Variants in IL4R observed in about 807,000 individuals in gnomAD.
The protein encoded by IL4R is interleukin-4 receptor subunit alpha.
A neutral mutation model predicts 41.5 loss-of-function variants in IL4R; 17 were observed. That is an observed-to-expected ratio of 0.41 (90% confidence interval 0.28 to 0.61). The LOEUF is 0.61. Ranked by LOEUF, IL4R falls within the 20% of genes least tolerant of loss-of-function variation. The pLI, the probability that IL4R is intolerant of heterozygous loss-of-function variation, is 0.31. For missense variants in IL4R, 974 were observed against 1,043.1 expected, an observed-to-expected ratio of 0.93 and a Z score of 0.91; for synonymous variants, 402 against 422.9, an observed-to-expected ratio of 0.95 and a Z score of 0.61.
At position 27,361,114 on chromosome 16, in the gene IL4R, G is replaced by A. The variant is rs183465715; in HGVS notation, c.899+299G>A. ...ATCTTGACCTAATTGTATACTTGTC[G>A]GCAAATAGCCACTATCCTGAACACT... On this transcript the variant is annotated intron_variant, in intron 10 of 10. Coordinates refer to ENST00000395762, the MANE Select transcript of IL4R (RefSeq NM_000418.4). 2.9e-4 allele frequency: 320 copies of A among 1,111,404 alleles called. 2 individuals carry two copies. The highest frequency in any genetic ancestry group is 1.9e-3 in the South Asian group (108 of 55,398). 68.8% of individuals were successfully genotyped at this position (1,111,404 alleles called of 1,614,324 possible). A position where few individuals can be genotyped will look rare whatever the true frequency, so the allele number is the denominator to read the frequency against.
At chr16:27,340,798 G>A (rs888791453) in intron 3 of IL4R, among the ~76,000 whole-genome samples, 2 of 152,316 alleles carry the variant, frequency 1.3e-5, no homozygotes, top group Non-Finnish European at 2.9e-5. Context: ...GAGTGGGGGG[G>A]ATTGCAGTTG....
At chr16:27,321,994 C>T (rs1596750536) in intron 1 of IL4R, among the ~76,000 whole-genome samples, 1 of 151,260 alleles carries the variant, frequency 6.6e-6, no homozygotes, top group South Asian at 2.1e-4. Flanking sequence ...TTTTTTTCCT[C>T]TTGTGTTTGA....
rs139034035 is a variant in IL4R, at chr16:27,355,851, C to T, written c.714C>T (p.Ser238=). 20 of 1,613,500 alleles carry T rather than the reference C, an allele frequency of 1.2e-5. No individual in the cohort carries two copies. Among genetic ancestry groups the T allele is most frequent in the Admixed American group, 8.3e-5 (5 of 59,992 alleles). The change falls in exon 8 of 11, where the codon AGC becomes AGT. Residue 238 remains serine (S), a synonymous_variant. Transcript: ENST00000395762. The part of the protein sequence containing the change: ...PFEQHLLLGV[S]VSCIVILAVC... Reference sequence around the variant, plus strand: ...AGCAGCACCTCCTGCTGGGCGTCAGCGTTTCCTGCATTGTCATCCTGGCCG... The same window carrying T: ...AGCAGCACCTCCTGCTGGGCGTCAGTGTTTCCTGCATTGTCATCCTGGCCG...
At chr16:27,342,410 C>T in intron 4 of IL4R, 151 bp downstream of exon 4, 2 of 909,194 alleles carry the variant, frequency 2.2e-6, no homozygotes, top group Non-Finnish European at 3.4e-6. Context: ...GTCCCATCTC[C>T]AGGGACATGT....
rs754345257 is a variant in IL4R, at chr16:27,363,848, GC to G, written c.*19del. 1 of 1,589,876 alleles carries G rather than the reference GC, an allele frequency of 6.3e-7. No homozygotes were observed. Among genetic ancestry groups the G allele is most frequent in the African/African-American group, 1.3e-5 (1 of 74,856 alleles). ...TCTCTTAGGTGCATGTCCTCTTGTTGCTGAGTCTGCAGATGAGGACTAGGGC... is the reference window on the plus strand; with the variant it reads ...TCTCTTAGGTGCATGTCCTCTTGTTGTGAGTCTGCAGATGAGGACTAGGGC... On this transcript the variant is annotated 3_prime_UTR_variant, in exon 11 of 11. Transcript: ENST00000395762.
At position 27,358,989 on chromosome 16, in the gene IL4R, G is replaced by T. The variant is rs2086189266; in HGVS notation, c.844G>T (p.Ala282Ser). 1.9e-6 allele frequency: 3 copies of T among 1,612,812 alleles called. No individual in the cohort carries two copies. Among genetic ancestry groups the T allele is most frequent in the Non-Finnish European group, 2.5e-6 (3 of 1,178,922 alleles). ...SRLVAIIIQDAQGSQWEKRSR... is the reference protein window; with the variant it reads ...SRLVAIIIQDSQGSQWEKRSR... ...CCTCGTGGCTATAATAATCCAGGAT[G>T]CTCAGGTAGGAGTAGGCGTGGATGA... The change falls in exon 9 of 11, where the codon GCT becomes TCT. Residue 282 changes from alanine to serine, a missense_variant. By Grantham distance (99) the Ala-to-Ser change is moderately conservative. Transcript: ENST00000395762.
chr16:27,348,268 G>T (rs1267240271), intron 6 of IL4R, among the ~76,000 whole-genome samples: 1 of 152,160 alleles, frequency 6.6e-6, no homozygotes, highest in Non-Finnish European at 1.5e-5. Context: ...GGCATGGGGG[G>T]AAGGAGTGCA....
intron 3 of IL4R, among the ~76,000 whole-genome samples, chr16:27,340,692 A>G (rs1487891270): frequency 1.3e-5 from 2 of 152,158 alleles, no homozygotes; most frequent in Non-Finnish European, 2.9e-5. Context: ...ACTCCACTCC[A>G]GCCTGCGTGA....
chr16:27,359,080 C>A, intron 9 of IL4R, 86 bp downstream of exon 9: 1 of 992,022 alleles, frequency 1.0e-6, no homozygotes, highest in Non-Finnish European at 1.6e-6. Context: ...AGGACCTTCA[C>A]TGGCTTCTGG....
At chr16:27,316,127 T>C (rs2084642305) in intron 1 of IL4R, among the ~76,000 whole-genome samples, 1 of 152,138 alleles carries the variant, frequency 6.6e-6, no homozygotes. Context: ...CCCAGCACTT[T>C]GGGAGGCTGA....
chr16:27,321,775 C>T (rs1027291390), intron 1 of IL4R, among the ~76,000 whole-genome samples: 6 of 152,186 alleles, frequency 3.9e-5, no homozygotes, highest in African/African-American at 1.4e-4. Flanking sequence ...TTATTCACTG[C>T]CCAGTTTAGA....
chr16:27,362,874 C>G lies in IL4R; in HGVS notation c.1522C>G (p.Pro508Ala), dbSNP rs1395835773. The change falls in exon 11 of 11, where the codon CCG becomes GCG. Residue 508 changes from proline (P) to alanine (A), a missense_variant. Transcript: ENST00000395762. ...RSFSNSLSQSPCPRELGPDPL... is the reference protein window; with the variant it reads ...RSFSNSLSQSACPRELGPDPL... ...CTTCAGCAACTCCCTGAGCCAGTCACCGTGTCCCAGAGAGCTGGGTCCAGA... is the reference window on the plus strand; with the variant it reads ...CTTCAGCAACTCCCTGAGCCAGTCAGCGTGTCCCAGAGAGCTGGGTCCAGA... 1.2e-6 allele frequency: 2 copies of G among 1,614,182 alleles called. No individual in the cohort carries two copies. The highest frequency in any genetic ancestry group is 1.7e-6 in the Non-Finnish European group (2 of 1,180,040).
chr16:27,328,451 A>G (rs1185938351), intron 1 of IL4R, among the ~76,000 whole-genome samples: 1 of 151,986 alleles, frequency 6.6e-6, no homozygotes, highest in Non-Finnish European at 1.5e-5. Flanking sequence ...TGGTTTCACC[A>G]TGTTGGTGAA....
chr16:27,336,842 G>C (rs1471530848), intron 2 of IL4R, among the ~76,000 whole-genome samples: 1 of 152,054 alleles, frequency 6.6e-6, no homozygotes, highest in Non-Finnish European at 1.5e-5. Flanking sequence ...ACTTTGGGAG[G>C]CTGAGGCAGG....
chr16:27,352,929 T>C (rs757526712), intron 7 of IL4R, among the ~76,000 whole-genome samples: 4 of 152,324 alleles, frequency 2.6e-5, no homozygotes, highest in Middle Eastern at 3.4e-3. Context: ...TATTTCTTGC[T>C]CACGTAACAA....
upstream of IL4R, chr16:27,313,973 C>G: frequency 1.0e-6 from 1 of 984,848 alleles, no homozygotes. Context: ...AGGGGTCCCC[C>G]ACTTCCCGCT....
In IL4R at chr16:27,362,619, T is replaced by G. The variant is rs765421180; in HGVS notation, c.1267T>G (p.Cys423Gly). The change falls in exon 11 of 11, where the codon TGC becomes GGC. Residue 423 changes from cysteine to glycine, a missense_variant. This residue lies in a region of IL4R where 682 missense variants were observed against 704.3 expected (regional missense o/e 0.97). Transcript: ENST00000395762. ...DLLGEENGGFCQQDMGESCLL... is the reference protein window; with the variant it reads ...DLLGEENGGFGQQDMGESCLL... ...GCTCGGAGAGGAGAATGGGGGCTTTTGCCAGCAGGACATGGGGGAGTCATG... is the reference window on the plus strand; with the variant it reads ...GCTCGGAGAGGAGAATGGGGGCTTTGGCCAGCAGGACATGGGGGAGTCATG... 1 of 1,613,974 alleles carries G rather than the reference T, an allele frequency of 6.2e-7. No individual in the cohort carries two copies. The highest frequency in any genetic ancestry group is 1.3e-5 in the African/African-American group (1 of 74,870).
At chr16:27,343,614 G>C (rs2085516002) in intron 4 of IL4R, among the ~76,000 whole-genome samples, 1 of 152,086 alleles carries the variant, frequency 6.6e-6, no homozygotes. Context: ...TTTTAGTAGA[G>C]ACCGGTTTTC....
chr16:27,360,816 G>A lies in IL4R; in HGVS notation c.899+1G>A, dbSNP rs1567336079. On this transcript the variant is annotated splice_donor_variant, in intron 10 of 10. Coordinates refer to ENST00000395762, the MANE Select transcript of IL4R (RefSeq NM_000418.4). LOFTEE classifies it high-confidence loss of function. The stretch of plus-strand genomic sequence containing the variant: ...GAGGCCAGGAACCAGCCAAGTGCCC[G>A]TATGTATCTGAACTTAGGTCACAGC... The A allele has an allele frequency of 3.7e-6, 6 of 1,614,124 alleles. No individual in the cohort carries two copies. Among genetic ancestry groups the A allele is most frequent in the South Asian group, 1.1e-5 (1 of 91,080 alleles).
Sources: allele counts gnomAD v4.1 joint callset (sites outside exome capture counted in the v4.1 genomes callset), GRCh38; gene constraint gnomAD v4.1.1; regional missense constraint gnomAD v4.1.1; transcripts MANE v1.5; gene names NCBI Gene and HGNC (gene_info 2026-07-23, HGNC 2026-07-21).